Variants in NISCH observed in about 807,000 individuals in gnomAD.
NISCH encodes the protein nischarin.
Under a neutral mutation model 138.4 loss-of-function variants are expected in NISCH, and 55 were observed. The ratio of observed to expected loss-of-function variants is 0.40; its 90% CI spans 0.32 to 0.50. NISCH has a LOEUF of 0.50. NISCH is among the 20% of genes least tolerant of loss of function. The pLI is 0.71. For missense variants in NISCH, 1,643 were observed against 2,005.5 expected, an observed-to-expected ratio of 0.82 and a Z score of 3.45; for synonymous variants, 860 against 861.5, an observed-to-expected ratio of 1.00 and a Z score of 0.03.
intron 13 of NISCH, among the ~76,000 whole-genome samples, chr3:52,482,425 C>T (rs956202022): frequency 1.3e-5 from 2 of 152,196 alleles, no homozygotes; most frequent in African/African-American, 4.8e-5. Context: ...CAGCCAGGCC[C>T]AGGGGCTGAG....
chr3:52,462,290 A>G (rs1490714225), intron 3 of NISCH, among the ~76,000 whole-genome samples: 1 of 152,204 alleles, frequency 6.6e-6, no homozygotes, highest in African/African-American at 2.4e-5. Flanking sequence ...TTCTGTAAGG[A>G]GCTGTCCCAT....
chr3:52,491,214 C>T (rs1329419899), intron 19 of NISCH, 138 bp from the exon 20 acceptor site: 1 of 1,349,548 alleles, frequency 7.4e-7, no homozygotes, highest in East Asian at 2.6e-5. Flanking sequence ...TCCCGGGCCC[C>T]ATGATTCTTT....
intron 4 of NISCH, chr3:52,471,533 C>A: frequency 1.8e-6 from 1 of 546,126 alleles, no homozygotes; most frequent in South Asian, 2.1e-5. Flanking sequence ...CTCACTCTGG[C>A]CCAGTGCCTT....
chr3:52,476,152 G>C (rs546565902), intron 7 of NISCH: 45 of 347,550 alleles, frequency 1.3e-4, no homozygotes, highest in African/African-American at 8.4e-4. Flanking sequence ...AAGAGAAAAG[G>C]CTAGAAAAGG....
chr3:52,480,455 A>G (rs1707240323), intron 13 of NISCH, 160 bp downstream of exon 13: 6 of 1,537,628 alleles, frequency 3.9e-6, no homozygotes, highest in South Asian at 1.2e-5. Context: ...GGGGGGACAC[A>G]TGGCAGGGGT....
chr3:52,470,644 C>G, intron 3 of NISCH: 1 of 597,708 alleles, frequency 1.7e-6, no homozygotes, highest in South Asian at 2.0e-5. Context: ...TTCCCTTCTG[C>G]TTTGGAGGAG....
In NISCH at chr3:52,478,323, T is replaced by C. The variant is rs780770270; in HGVS notation, c.1173+41T>C. 6.2e-6 allele frequency: 10 copies of C among 1,609,344 alleles called. No individual in the cohort carries two copies. The African/African-American group carries it at 8.0e-5, about 13-fold the overall frequency. On this transcript the variant is annotated intron_variant, in intron 10 of 20. Coordinates refer to ENST00000345716, the MANE Select transcript of NISCH (RefSeq NM_007184.4). Reference sequence around the variant, plus strand: ...TCACAGTTTTGGGATTTCTGTGCCTTGGTGTGTATCATGTTAAAGAAGAAT... The same window carrying C: ...TCACAGTTTTGGGATTTCTGTGCCTCGGTGTGTATCATGTTAAAGAAGAAT...
chr3:52,491,651 G>A (rs1427381910), intron 20 of NISCH, 138 bp downstream of exon 20: 2 of 1,155,994 alleles, frequency 1.7e-6, no homozygotes, highest in East Asian at 5.1e-5. Flanking sequence ...TTTTATGTGG[G>A]GCTTTTCGAT....
At chr3:52,469,787 T>A (rs1260785495) in intron 3 of NISCH, among the ~76,000 whole-genome samples, 1 of 152,010 alleles carries the variant, frequency 6.6e-6, no homozygotes, top group African/African-American at 2.4e-5. Context: ...TCTTGGCACA[T>A]GCCTGTACTA....
intron 6 of NISCH, among the ~76,000 whole-genome samples, chr3:52,473,034 G>A (rs1345198102): frequency 6.6e-6 from 1 of 152,326 alleles, no homozygotes; most frequent in South Asian, 2.1e-4. Flanking sequence ...TTACAGTTGG[G>A]GAAACTGAGG....
intron 13 of NISCH, among the ~76,000 whole-genome samples, chr3:52,482,274 A>G (rs1468166432): frequency 2.6e-5 from 4 of 151,950 alleles, no homozygotes; most frequent in African/African-American, 9.7e-5. Flanking sequence ...CCGAGAAGGG[A>G]GCCTGCTTGC....
Position 52,455,614 on chromosome 3 carries a change from G to GGGC in NISCH, c.-22_-20dup. 1.5e-6 allele frequency: 2 copies of GGGC among 1,297,728 alleles called. No individual in the cohort carries two copies. The highest frequency in any genetic ancestry group is 2.0e-6 in the Non-Finnish European group (2 of 1,016,408). 80.4% of individuals were successfully genotyped at this position (1,297,728 alleles called of 1,614,324 possible). ...CCCCCTGCTGCTGCTAGTCTGCGCCGGGCGGCGGTGGCGGCGGAGACCCGA... is the reference window on the plus strand; with the variant it reads ...CCCCCTGCTGCTGCTAGTCTGCGCCGGGCGGCGGCGGTGGCGGCGGAGACCCGA... On this transcript the variant is annotated 5_prime_UTR_variant, in exon 1 of 21. Transcript: ENST00000345716.
chr3:52,473,549 A>G, intron 6 of NISCH, among the ~76,000 whole-genome samples, 185 bp from the exon 7 acceptor site: 1 of 152,120 alleles, frequency 6.6e-6, no homozygotes, highest in Non-Finnish European at 1.5e-5. Context: ...TAGATACTTC[A>G]GGGAATGTTT....
intron 13 of NISCH, 101 bp downstream of exon 13, chr3:52,480,396 A>G (rs1398080686): frequency 3.2e-6 from 5 of 1,558,028 alleles, no homozygotes; most frequent in Non-Finnish European, 3.5e-6. Flanking sequence ...CCTGCTTCCA[A>G]CAGGGTCAGA....
At chr3:52,476,164 A>G in intron 7 of NISCH, 1 of 378,048 alleles carries the variant, frequency 2.6e-6, no homozygotes, top group Non-Finnish European at 4.9e-6. Flanking sequence ...TAGAAAAGGC[A>G]TCACCAGGTC....
rs752805920 is a variant in NISCH, at chr3:52,488,102, G to A, written c.2610G>A (p.Thr870=). 2.9e-5 allele frequency: 46 copies of A among 1,612,930 alleles called. 1 individual carries two copies. Among genetic ancestry groups the A allele is most frequent in the East Asian group, 2.7e-4 (12 of 44,862 alleles). The change falls in exon 16 of 21, where the codon ACG becomes ACA. Residue 870 remains threonine, a synonymous_variant. Transcript: ENST00000345716. ...ACAGTGACAAGCGCATGGTGCAGACGGCCGCCGGGGACTACTCAGGCAACA... is the reference window on the plus strand; with the variant it reads ...ACAGTGACAAGCGCATGGTGCAGACAGCCGCCGGGGACTACTCAGGCAACA... ...LVYSDKRMVQ[T]AAGDYSGNIE...
In NISCH at chr3:52,487,823, G is replaced by C; in HGVS notation, c.2331G>C (p.Glu777Asp). Residue 777 changes from glutamate to aspartate, a missense_variant, in exon 16 of 21, where the codon GAG becomes GAC. Physicochemically the swap from Glu to Asp is conservative, Grantham distance 45. Coordinates refer to ENST00000345716, the MANE Select transcript of NISCH (RefSeq NM_007184.4). This position sits in a 1 kb window ranked among gnomAD's most constrained non-coding sequence, Gnocchi z 9.1. The stretch of plus-strand genomic sequence containing the variant: ...CCGAGTTTGGCTTCCTCATGCCGGA[G>C]CTGTGTCTGGTGCTCAAGGTACGGC... ...DLTEFGFLMPELCLVLKVRHS... is the reference protein window; with the variant it reads ...DLTEFGFLMPDLCLVLKVRHS... The C allele has an allele frequency of 6.2e-7, 1 of 1,613,336 alleles. No individual in the cohort carries two copies.
intron 2 of NISCH, 59 bp from the exon 3 acceptor site, chr3:52,458,603 G>A (rs1013585806): frequency 2.0e-6 from 3 of 1,486,702 alleles, no homozygotes; most frequent in African/African-American, 1.4e-5. Flanking sequence ...TCTTGCCTTG[G>A]TCTTACATAG....
chr3:52,464,014 A>G (rs1000154179), intron 3 of NISCH, among the ~76,000 whole-genome samples: 26 of 151,796 alleles, frequency 1.7e-4, no homozygotes, highest in African/African-American at 5.6e-4. Context: ...GGTGTGAGCC[A>G]CCACACCTGG....
Sources: gnomAD v4.1 joint callset for allele counts (sites outside exome capture counted in the v4.1 genomes callset) on GRCh38, gnomAD v4.1.1 for gene constraint, Gnocchi (gnomAD v3.1) non-coding constraint, MANE v1.5 for transcripts, NCBI Gene and HGNC (gene_info 2026-07-23, HGNC 2026-07-21) for gene names.